Variants in P4HA3 observed in about 807,000 individuals in gnomAD.
P4HA3 encodes the protein prolyl 4-hydroxylase subunit alpha 3.
In P4HA3, 60 loss-of-function variants were observed where a neutral mutation model predicts 66.7. The ratio of observed to expected loss-of-function variants is 0.90; its 90% CI spans 0.73 to 1.12. P4HA3 has a LOEUF of 1.12. P4HA3 is among the 50% of genes most tolerant of loss of function. P4HA3 has a pLI of 0.00. For missense variants in P4HA3, 683 were observed against 685.8 expected (o/e 1.00, Z 0.05); for synonymous variants, 263 against 274.6 (o/e 0.96, Z 0.42).
At chr11:74,296,464 G>A (rs1267344422) in intron 4 of P4HA3, among the ~76,000 whole-genome samples, 2 of 152,130 alleles carry the variant, frequency 1.3e-5, no homozygotes, top group African/African-American at 4.8e-5. Flanking sequence ...GGGGTGAGGA[G>A]GAACACAAAC....
chr11:74,256,084 A>G (rs1374642214), intron 15 of P4HA3: 6 of 401,022 alleles, frequency 1.5e-5, no homozygotes, highest in African/African-American at 4.1e-5. Flanking sequence ...CAGCAACTCT[A>G]TGAGGTAGGT....
chr11:74,256,153 A>G (rs557489351), intron 15 of P4HA3, among the ~76,000 whole-genome samples: 85 of 152,312 alleles, frequency 5.6e-4, no homozygotes, highest in African/African-American at 1.9e-3. Context: ...CTTGGAAGTG[A>G]CTGTCAGAAT....
intron 3 of P4HA3, among the ~76,000 whole-genome samples, chr11:74,300,977 G>A (rs1861388608): frequency 6.6e-6 from 1 of 152,140 alleles, no homozygotes; most frequent in South Asian, 2.1e-4. Flanking sequence ...CAATATGGAT[G>A]AATTCCACAG....
chr11:74,260,043 C>T (rs544866373), exon 15 of P4HA3: 1 of 152,226 alleles, frequency 6.6e-6, no homozygotes, highest in Non-Finnish European at 1.5e-5. Flanking sequence ...ATGAGAGTTC[C>T]AGTTTCTTCA....
intron 4 of P4HA3, among the ~76,000 whole-genome samples, chr11:74,289,357 C>A (rs1416985762): frequency 1.3e-5 from 2 of 152,130 alleles, no homozygotes; most frequent in Admixed American, 6.5e-5. Context: ...ACCACCCTTA[C>A]CGGGCAAGGT....
In P4HA3 at chr11:74,311,399, G is replaced by C. The variant is rs895694496; in HGVS notation, c.200+13C>G. ...TGAGGCCCCTCGGTCGCTCCCACTC[G>C]TCGTGCCCTCACCTAGTCAGGTCCC... On this transcript the variant is annotated intron_variant, in intron 1 of 12. Coordinates refer to ENST00000331597, the MANE Select transcript of P4HA3 (RefSeq NM_182904.5). 1.9e-5 allele frequency: 28 copies of C among 1,494,518 alleles called. No individual in the cohort carries two copies. Among genetic ancestry groups the C allele is most frequent in the Non-Finnish European group, 2.5e-5 (28 of 1,129,830 alleles). The allele number at this position is 1,494,518 out of a possible 1,614,324, so 92.6% of individuals were successfully genotyped here. A position where few individuals can be genotyped will look rare whatever the true frequency, so the allele number is the denominator to read the frequency against.
At chr11:74,265,211 G>A (rs748046541), downstream of P4HA3, among the ~76,000 whole-genome samples, 86 of 152,262 alleles carry the variant, frequency 5.6e-4, no homozygotes, top group Admixed American at 2.2e-3. Context: ...GCAGACAGTC[G>A]CTTTCTGTCT....
intron 7 of P4HA3, among the ~76,000 whole-genome samples, chr11:74,283,298 T>G (rs895394508): frequency 3.3e-5 from 5 of 152,126 alleles, no homozygotes; most frequent in Admixed American, 6.6e-5. Flanking sequence ...ACAGGGCTGT[T>G]ATAAGGAAAA....
chr11:74,274,994 A>T (rs1364177924), intron 9 of P4HA3, among the ~76,000 whole-genome samples: 1 of 152,128 alleles, frequency 6.6e-6, no homozygotes, highest in Non-Finnish European at 1.5e-5. Flanking sequence ...AGAGGTGCCT[A>T]CTCAAATAAC....
chr11:74,306,938 G>C, intron 1 of P4HA3, among the ~76,000 whole-genome samples: 1 of 152,146 alleles, frequency 6.6e-6, no homozygotes, highest in Non-Finnish European at 1.5e-5. Flanking sequence ...CAGGGTGTGG[G>C]ATCTTTACTA....
chr11:74,295,865 A>T (rs977065267), intron 4 of P4HA3, among the ~76,000 whole-genome samples: 4 of 152,230 alleles, frequency 2.6e-5, no homozygotes, highest in Non-Finnish European at 5.9e-5. Context: ...AATATCTTGT[A>T]ATGTCAAATA....
chr11:74,261,215 C>A (rs1196554251), intron 14 of P4HA3, among the ~76,000 whole-genome samples: 1 of 152,188 alleles, frequency 6.6e-6, no homozygotes, highest in East Asian at 1.9e-4. Flanking sequence ...CCAACCCCTG[C>A]AGACAGGTGG....
At chr11:74,298,900 G>C (rs1168632614) in intron 3 of P4HA3, among the ~76,000 whole-genome samples, 1 of 152,246 alleles carries the variant, frequency 6.6e-6, no homozygotes, top group Admixed American at 6.5e-5. Flanking sequence ...TGAAACAGCA[G>C]CATGGGCTAA....
downstream of P4HA3, among the ~76,000 whole-genome samples, chr11:74,263,857 C>G (rs1367028659): frequency 6.6e-6 from 1 of 152,188 alleles, no homozygotes; most frequent in Non-Finnish European, 1.5e-5. Context: ...GGTACTGTGG[C>G]TCATGCCTGT....
At chr11:74,304,456 C>CT in intron 1 of P4HA3, 44 bp from the exon 2 acceptor site, 1 of 1,606,510 alleles carries the variant, frequency 6.2e-7, no homozygotes, top group East Asian at 2.2e-5. Flanking sequence ...GATACAACCA[C>CT]TACACCTAGG....
At chr11:74,275,186 T>C (rs1032514810) in intron 9 of P4HA3, among the ~76,000 whole-genome samples, 6 of 152,206 alleles carry the variant, frequency 3.9e-5, no homozygotes, top group Non-Finnish European at 7.3e-5. Flanking sequence ...TTTGATAAGG[T>C]CCAATTTATC....
intron 3 of P4HA3, among the ~76,000 whole-genome samples, chr11:74,300,076 A>T (rs1861358060): frequency 6.6e-6 from 1 of 152,220 alleles, no homozygotes; most frequent in Non-Finnish European, 1.5e-5. Flanking sequence ...TGCAATATTC[A>T]TATGGTCAAG....
chr11:74,276,863 A>G, intron 9 of P4HA3, 122 bp downstream of exon 9: 1 of 1,125,452 alleles, frequency 8.9e-7, no homozygotes, highest in Non-Finnish European at 1.2e-6. Context: ...TTCTGGAAAA[A>G]GAACCTTTGT....
intron 12 of P4HA3, 74 bp from the exon 13 acceptor site, chr11:74,267,392 C>A (rs934005586): frequency 1.7e-5 from 26 of 1,559,250 alleles, no homozygotes; most frequent in Middle Eastern, 3.6e-4. Flanking sequence ...GACTGGTGCG[C>A]ACTCATAGGC....
Sources: allele counts gnomAD v4.1 joint callset (sites outside exome capture counted in the v4.1 genomes callset), GRCh38; gene constraint gnomAD v4.1.1; transcripts MANE v1.5; gene names NCBI Gene and HGNC (gene_info 2026-07-23, HGNC 2026-07-21).